Variants in TNFAIP8L3 observed in about 807,000 individuals in gnomAD.
TNFAIP8L3 encodes tumor necrosis factor alpha-induced protein 8-like protein 3.
In TNFAIP8L3, 7 loss-of-function variants were observed where a neutral mutation model predicts 11.8. That is an observed-to-expected ratio of 0.59 (90% CI 0.34 to 1.11). The LOEUF (loss-of-function observed/expected upper bound fraction) is 1.11. Ranked by LOEUF, TNFAIP8L3 falls within the 50% of genes most tolerant of loss-of-function variation. The pLI is 0.03. For missense variants in TNFAIP8L3, 219 were observed against 258.6 expected (o/e 0.85, Z 1.05); for synonymous variants, 98 against 103.8 (o/e 0.94, Z 0.34).
At chr15:51,095,237 AG>A (rs1219050029), upstream of TNFAIP8L3, among the ~76,000 whole-genome samples, 4 of 25,978 alleles carry the variant, frequency 1.5e-4, no homozygotes, top group African/African-American at 3.8e-4. Flanking sequence ...GAATAAGGGA[AG>A]GGGAGCGGGG....
intron 1 of TNFAIP8L3, among the ~76,000 whole-genome samples, chr15:51,077,919 C>T (rs1306564907): frequency 1.3e-5 from 2 of 152,112 alleles, no homozygotes; most frequent in Non-Finnish European, 2.9e-5. Flanking sequence ...AAATTCTGCT[C>T]CCCTCACCTT....
chr15:51,067,978 A>G (rs564660919), intron 1 of TNFAIP8L3, among the ~76,000 whole-genome samples: 17 of 152,372 alleles, frequency 1.1e-4, no homozygotes, highest in South Asian at 2.1e-4. Flanking sequence ...AAAAATTTCC[A>G]TGGGACAACT....
At chr15:51,088,757 A>G (rs982346545) in intron 1 of TNFAIP8L3, among the ~76,000 whole-genome samples, 2 of 152,174 alleles carry the variant, frequency 1.3e-5, no homozygotes, top group Admixed American at 6.5e-5. Context: ...AACAGTCCTA[A>G]AGATCTGTGG....
chr15:51,078,012 A>G (rs991639642), intron 1 of TNFAIP8L3, among the ~76,000 whole-genome samples: 3 of 152,224 alleles, frequency 2.0e-5, no homozygotes, highest in African/African-American at 2.4e-5. Context: ...AAACTTCTGC[A>G]TCACCTTAAC....
rs1214015816 is a variant in TNFAIP8L3, at chr15:51,086,754, T to C, written c.52+7790A>G. Reference sequence around the variant, plus strand: ...AACAATTAACCCAGTCCCGAATACATTGTAAGTGCTTAATTAATATAGGAT... The same window carrying C: ...AACAATTAACCCAGTCCCGAATACACTGTAAGTGCTTAATTAATATAGGAT... On this transcript the variant is annotated intron_variant, in intron 1 of 1. Coordinates refer to ENST00000637513, the MANE Select transcript of TNFAIP8L3 (RefSeq NM_001311175.2). 2.0e-5 allele frequency among the ~76,000 whole-genome samples: 3 copies of C among 152,338 alleles called. No individual in the cohort carries two copies. In the East Asian group the frequency reaches 5.8e-4, roughly 29 times the overall value.
intron 1 of TNFAIP8L3, among the ~76,000 whole-genome samples, chr15:51,061,314 T>A (rs952479849): frequency 3.3e-5 from 5 of 152,162 alleles, no homozygotes; most frequent in Admixed American, 1.3e-4. Context: ...ATATAAGAAA[T>A]TTTAAAAACT....
At chr15:51,069,378 A>G (rs1408382218) in intron 1 of TNFAIP8L3, 1 of 152,252 alleles carries the variant, frequency 6.6e-6, no homozygotes, top group Non-Finnish European at 1.5e-5. Flanking sequence ...ATACAAAAGC[A>G]ATGGCAGTCA....
chr15:51,088,234 A>C (rs1229089035), intron 1 of TNFAIP8L3, among the ~76,000 whole-genome samples: 1 of 151,804 alleles, frequency 6.6e-6, no homozygotes, highest in Admixed American at 6.5e-5. Context: ...ATGCTAATAG[A>C]AAGTGTGACT....
intron 1 of TNFAIP8L3, among the ~76,000 whole-genome samples, chr15:51,072,548 T>A (rs1316998709): frequency 1.3e-5 from 2 of 152,238 alleles, no homozygotes; most frequent in Non-Finnish European, 2.9e-5. Context: ...TGATAAAAGA[T>A]AACCATATAT....
At position 51,056,917 on chromosome 15, in the gene TNFAIP8L3, A is replaced by ATTTTTTT. The variant is rs1555465967; in HGVS notation, c.*963_*964insAAAAAAA. 6.6e-6 allele frequency: 1 copy of ATTTTTTT among 151,568 alleles called. No individual in the cohort carries two copies. Among genetic ancestry groups the ATTTTTTT allele is most frequent in the African/African-American group, 2.4e-5 (1 of 41,178 alleles). 9.4% of individuals were successfully genotyped at this position (151,568 alleles called of 1,614,324 possible). A position where few individuals can be genotyped will look rare whatever the true frequency, so the allele number is the denominator to read the frequency against. On this transcript the variant is annotated 3_prime_UTR_variant, in exon 2 of 2. Transcript: ENST00000637513. ...TTTTAAAAAAATTATTATTATTATTATTATTTTTTAGAGACAGAGTCTTGC... is the reference window on the plus strand; with the variant it reads ...TTTTAAAAAAATTATTATTATTATTATTTTTTTTTATTTTTTAGAGACAGAGTCTTGC...
intron 1 of TNFAIP8L3, among the ~76,000 whole-genome samples, chr15:51,093,032 T>C (rs186735763): frequency 2.6e-5 from 4 of 152,164 alleles, no homozygotes; most frequent in African/African-American, 9.7e-5. Context: ...GCTCTCGAAA[T>C]AGATACACAC....
intron 1 of TNFAIP8L3, among the ~76,000 whole-genome samples, chr15:51,075,851 TGTA>T (rs1248552312): frequency 2.0e-5 from 3 of 152,198 alleles, no homozygotes. Flanking sequence ...AATTAATTAA[TGTA>T]GTAACATGTA....
intron 1 of TNFAIP8L3, among the ~76,000 whole-genome samples, chr15:51,077,355 C>T (rs986449802): frequency 6.6e-6 from 1 of 152,174 alleles, no homozygotes; most frequent in Admixed American, 6.5e-5. Flanking sequence ...GACTCGTGTC[C>T]GAAACCTCAA....
chr15:51,074,974 T>A (rs1033627929), intron 1 of TNFAIP8L3, among the ~76,000 whole-genome samples: 1 of 152,220 alleles, frequency 6.6e-6, no homozygotes, highest in Non-Finnish European at 1.5e-5. Context: ...CGGTGCTGAG[T>A]TCTTAGGGAT....
chr15:51,075,794 C>G lies in TNFAIP8L3; in HGVS notation c.53-17351G>C, dbSNP rs145920037. ...ACTCGTCTATCTTGGAAAAAAGAAA[C>G]AAAACATGGCCTGTGACAGTGGACT... On this transcript the variant is annotated intron_variant, in intron 1 of 1. Coordinates refer to ENST00000637513, the MANE Select transcript of TNFAIP8L3 (RefSeq NM_001311175.2). 2.9e-3 allele frequency among the ~76,000 whole-genome samples: 436 copies of G among 152,264 alleles called. 3 individuals carry two copies. The highest frequency in any genetic ancestry group is 9.7e-3 in the African/African-American group (403 of 41,548).
chr15:51,076,163 G>T (rs1291511024), intron 1 of TNFAIP8L3, among the ~76,000 whole-genome samples: 1 of 152,134 alleles, frequency 6.6e-6, no homozygotes, highest in Non-Finnish European at 1.5e-5. Flanking sequence ...TTTTGTTTAC[G>T]GATTTAAGAC....
chr15:51,078,329 G>T (rs549585106), intron 1 of TNFAIP8L3, among the ~76,000 whole-genome samples: 3 of 151,034 alleles, frequency 2.0e-5, no homozygotes, highest in Non-Finnish European at 4.4e-5. Context: ...TGTTTCCGGG[G>T]GGCAGATATG....
intron 1 of TNFAIP8L3, among the ~76,000 whole-genome samples, chr15:51,070,253 A>G (rs2065299574): frequency 6.6e-6 from 1 of 152,202 alleles, no homozygotes; most frequent in African/African-American, 2.4e-5. Context: ...GATCTGAGAG[A>G]TATTTTTGGC....
chr15:51,078,741 G>A (rs971971779), intron 1 of TNFAIP8L3, among the ~76,000 whole-genome samples: 2 of 151,806 alleles, frequency 1.3e-5, no homozygotes, highest in Admixed American at 6.6e-5. Flanking sequence ...CTCTGCCACC[G>A]GCCTGTGTCC....
Sources: allele counts gnomAD v4.1 joint callset (sites outside exome capture counted in the v4.1 genomes callset), GRCh38; gene constraint gnomAD v4.1.1; transcripts MANE v1.5; gene names NCBI Gene and HGNC (gene_info 2026-07-23, HGNC 2026-07-21).